TPO: variants seen among roughly 807,000 people sequenced by gnomAD.
The protein encoded by TPO is thyroid peroxidase, also known as thyroid microsomal antigen.
In TPO, 78 loss-of-function variants were observed where a neutral mutation model predicts 96.9. That is an observed-to-expected ratio of 0.81 (90% CI 0.67 to 0.97). The LOEUF (loss-of-function observed/expected upper bound fraction) is 0.97, where lower values mean the gene tolerates loss of function less well. Among genes scored for constraint, TPO ranks in the 50% least tolerant of loss-of-function variants. The probability of loss-of-function intolerance (pLI) is 0.00; values close to 1 mark genes in which losing one functional copy is unlikely to be tolerated. For synonymous variants in TPO, 547 were observed against 538.0 expected (o/e 1.02, Z -0.23); for missense variants, 1,252 against 1,274.8 (o/e 0.98, Z 0.27).
intron 10 of TPO, among the ~76,000 whole-genome samples, chr2:1,493,209 T>TGGGGGGG (rs3036079): frequency 5.7e-5 from 1 of 17,494 alleles, no homozygotes; most frequent in African/African-American, 1.6e-4. Context: ...TGTGAGTGGG[T>TGGGGGGG]GGGGGGGGGG....
At chr2:1,514,971 C>G (rs532258409) in intron 14 of TPO, among the ~76,000 whole-genome samples, 2 of 152,332 alleles carry the variant, frequency 1.3e-5, no homozygotes, top group South Asian at 4.1e-4. Context: ...TCACTCAAGG[C>G]TCTGATGTCA....
chr2:1,416,623 C>T (rs1355611970), intron 2 of TPO, among the ~76,000 whole-genome samples: 2 of 152,210 alleles, frequency 1.3e-5, no homozygotes, highest in East Asian at 1.9e-4. Flanking sequence ...ACAACTGCCC[C>T]GCGTGCTGGG....
intron 15 of TPO, among the ~76,000 whole-genome samples, chr2:1,517,393 G>A (rs1674819153): frequency 6.6e-6 from 1 of 152,222 alleles, no homozygotes. Flanking sequence ...GAAATTGGAA[G>A]TTGAACTTTC....
intron 8 of TPO, chr2:1,478,036 G>C: frequency 1.0e-6 from 1 of 985,470 alleles, no homozygotes. Flanking sequence ...ACAACCCTTG[G>C]AGGTGGGTGG....
chr2:1,501,747 C>A (rs568600161), intron 13 of TPO, among the ~76,000 whole-genome samples: 1 of 152,112 alleles, frequency 6.6e-6, no homozygotes, highest in African/African-American at 2.4e-5. Flanking sequence ...ATGGGCCCCC[C>A]AGGACCCACC....
intron 1 of TPO, among the ~76,000 whole-genome samples, chr2:1,400,444 G>C (rs907039922): frequency 1.3e-5 from 2 of 151,816 alleles, no homozygotes; most frequent in African/African-American, 4.8e-5. Context: ...AGTGAGCTGA[G>C]ATCACACCAT....
intron 1 of TPO, among the ~76,000 whole-genome samples, chr2:1,380,809 T>C (rs939949869): frequency 3.9e-5 from 6 of 152,312 alleles, no homozygotes; most frequent in South Asian, 2.1e-4. Flanking sequence ...GAAAATAGGC[T>C]TAACTGGCTC....
chr2:1,423,089 A>C lies in TPO; in HGVS notation c.139A>C (p.Lys47Gln). The change falls in exon 3 of 17, where the codon AAG becomes CAG. Residue 47 changes from lysine (K) to glutamine (Q), a missense_variant. Physicochemically the swap from Lys to Gln is moderately conservative, Grantham distance 53. Transcript: ENST00000329066. Reference protein sequence around the residue: ...SRVSSVLEESKRLVDTAMYAT... With the variant: ...SRVSSVLEESQRLVDTAMYAT... Reference sequence around the variant, plus strand: ...TGTCTCTAGCGTCTTGGAGGAAAGCAAGCGCCTGGTGGACACCGCCATGTA... The same window carrying C: ...TGTCTCTAGCGTCTTGGAGGAAAGCCAGCGCCTGGTGGACACCGCCATGTA... 1 of 1,614,162 alleles carries C rather than the reference A, an allele frequency of 6.2e-7. No homozygotes were observed. Among genetic ancestry groups the C allele is most frequent in the Non-Finnish European group, 8.5e-7 (1 of 1,180,052 alleles).
intron 13 of TPO, among the ~76,000 whole-genome samples, chr2:1,503,547 C>T (rs560671607): frequency 6.6e-5 from 10 of 152,276 alleles, no homozygotes; most frequent in Admixed American, 6.5e-4. Context: ...TCTCAGAGGA[C>T]CTGCCGGCCA....
At chr2:1,515,553 G>C (rs1558391210) in intron 14 of TPO, among the ~76,000 whole-genome samples, 2 of 152,190 alleles carry the variant, frequency 1.3e-5, no homozygotes, top group African/African-American at 4.8e-5. Flanking sequence ...AATGCTTGCT[G>C]AGTGTCCAAG....
intron 9 of TPO, among the ~76,000 whole-genome samples, chr2:1,486,089 G>A (rs748221741): frequency 1.3e-5 from 2 of 152,002 alleles, no homozygotes; most frequent in African/African-American, 2.4e-5. Context: ...AAGGATTTTC[G>A]CATCGATGTT....
chr2:1,422,344 C>T (rs80060294), intron 2 of TPO, among the ~76,000 whole-genome samples: 2,263 of 76,900 alleles, frequency 0.029, 63 homozygotes, highest in African/African-American at 0.041. Context: ...TCTCCTGGAC[C>T]GACCTCGTGC....
intron 15 of TPO, among the ~76,000 whole-genome samples, chr2:1,539,987 A>T (rs1680540677): frequency 6.6e-6 from 1 of 152,194 alleles, no homozygotes; most frequent in South Asian, 2.1e-4. Context: ...TAAATCCCAC[A>T]GTATTTGTGA....
rs1465624751 is a variant in TPO, at chr2:1,536,021, C to T, written c.2619-4573C>T. Among the ~76,000 whole-genome samples the T allele has an allele frequency of 1.5e-4, 4 of 26,970 alleles. 1 individual carries two copies. Among genetic ancestry groups the T allele is most frequent in the Non-Finnish European group, 2.6e-4 (4 of 15,298 alleles). 17.7% of individuals were successfully genotyped at this position (26,970 alleles called of 152,430 possible). A position where few individuals can be genotyped will look rare whatever the true frequency, so the allele number is the denominator to read the frequency against. ...CCACTCTGCGCAACCTCCTCAAATC[C>T]CCCCACTGTGTGCAACCTCCTCAAA... On this transcript the variant is annotated intron_variant, in intron 15 of 16. Transcript: ENST00000329066.
At chr2:1,446,426 G>C (rs1186837798) in intron 5 of TPO, among the ~76,000 whole-genome samples, 1 of 152,164 alleles carries the variant, frequency 6.6e-6, no homozygotes, top group Non-Finnish European at 1.5e-5. Flanking sequence ...GCATTCCCAG[G>C]AGCAAAGTGT....
intron 1 of TPO, among the ~76,000 whole-genome samples, chr2:1,378,429 C>T (rs1187597864): frequency 1.3e-5 from 2 of 152,232 alleles, no homozygotes; most frequent in Non-Finnish European, 2.9e-5. Flanking sequence ...GATGGAGCCC[C>T]ATGGCCTGAA....
Position 1,433,441 on chromosome 2 carries a change from C to T in TPO, c.183C>T (p.Asn61=). Residue 61 remains asparagine (N), a synonymous_variant, in exon 4 of 17, where the codon AAC becomes AAT. Coordinates refer to ENST00000329066, the MANE Select transcript of TPO (RefSeq NM_001206744.2). Reference sequence around the variant, plus strand: ...ATATCTTCTTTATGTGCCATAGAAACCTCAAGAAAAGAGGAATCCTTTCTC... The same window carrying T: ...ATATCTTCTTTATGTGCCATAGAAATCTCAAGAAAAGAGGAATCCTTTCTC... ...DTAMYATMQR[N]LKKRGILSPA... The T allele has an allele frequency of 1.2e-6, 2 of 1,614,162 alleles. No individual in the cohort carries two copies. The highest frequency in any genetic ancestry group is 1.1e-5 in the South Asian group (1 of 91,084).
At chr2:1,532,973 C>T (rs1365554476) in intron 15 of TPO, among the ~76,000 whole-genome samples, 5 of 87,526 alleles carry the variant, frequency 5.7e-5, no homozygotes, top group African/African-American at 9.3e-5. Context: ...CTGTGTCCAG[C>T]CTCCCCAAAT....
chr2:1,492,311 C>T lies in TPO; in HGVS notation c.1769-1491C>T, dbSNP rs566467745. Among the ~76,000 whole-genome samples, 8 of 152,272 alleles carry T rather than the reference C, an allele frequency of 5.3e-5. No homozygotes were observed. The East Asian group carries it at 1.4e-3, about 26-fold the overall frequency. Reference sequence around the variant, plus strand: ...CTGGGATAACAGGCACCCGCCATCACGCCCAGCTAATTTTTGTATTTTTAG... The same window carrying T: ...CTGGGATAACAGGCACCCGCCATCATGCCCAGCTAATTTTTGTATTTTTAG... On this transcript the variant is annotated intron_variant, in intron 10 of 16. Transcript: ENST00000329066.
Sources: allele counts gnomAD v4.1 joint callset (sites outside exome capture counted in the v4.1 genomes callset), GRCh38; gene constraint gnomAD v4.1.1; transcripts MANE v1.5; gene names NCBI Gene and HGNC (gene_info 2026-07-23, HGNC 2026-07-21).